The following NDST4 variants were observed in gnomAD, a reference collection of about 807,000 sequenced individuals.
The protein encoded by NDST4 is N-heparan sulfate sulfotransferase 4.
Under a neutral mutation model 100.8 loss-of-function variants are expected in NDST4, and 63 were observed. The observed-to-expected ratio is 0.62, with a 90% CI of 0.51 to 0.77. The LOEUF is 0.77. NDST4 is among the 30% of genes least tolerant of loss of function. The pLI is 0.00. For synonymous variants in NDST4, 377 were observed against 361.8 expected (o/e 1.04, Z -0.48); for missense variants, 943 against 1,018.4 (o/e 0.93, Z 1.01).
chr4:115,010,556 G>A (rs139547564), intron 2 of NDST4, among the ~76,000 whole-genome samples: 12,251 of 128,032 alleles, frequency 0.096, 3,989 homozygotes, highest in African/African-American at 0.34. Context: ...GGAGGGGGTA[G>A]GGATAGCTTT....
intron 2 of NDST4, among the ~76,000 whole-genome samples, chr4:115,051,064 A>G (rs757302055): frequency 7.9e-5 from 12 of 152,078 alleles, no homozygotes; most frequent in South Asian, 2.1e-4. Flanking sequence ...TTATTTATAA[A>G]TTGTAAGATT....
At chr4:115,066,065 T>C (rs1728939050) in intron 2 of NDST4, among the ~76,000 whole-genome samples, 1 of 152,122 alleles carries the variant, frequency 6.6e-6, no homozygotes, top group Non-Finnish European at 1.5e-5. Flanking sequence ...TTGGTCCCCA[T>C]TGTGTACAAT....
chr4:114,916,561 T>A (rs979730286), intron 6 of NDST4, among the ~76,000 whole-genome samples: 2 of 150,686 alleles, frequency 1.3e-5, no homozygotes, highest in African/African-American at 4.9e-5. Flanking sequence ...TGTGTGTGTG[T>A]GTGTGTGTGT....
chr4:114,931,717 A>G (rs1725518555), intron 6 of NDST4, among the ~76,000 whole-genome samples: 1 of 151,904 alleles, frequency 6.6e-6, no homozygotes, highest in African/African-American at 2.4e-5. Flanking sequence ...ACTATGAACA[A>G]TGATAAACCT....
intron 6 of NDST4, among the ~76,000 whole-genome samples, chr4:114,885,481 G>T (rs940747785): frequency 1.3e-5 from 2 of 152,076 alleles, no homozygotes; most frequent in African/African-American, 2.4e-5. Context: ...ATGACAAATT[G>T]TCTCAGAATT....
intron 6 of NDST4, among the ~76,000 whole-genome samples, chr4:114,888,098 G>A (rs1221174744): frequency 6.6e-6 from 1 of 152,074 alleles, no homozygotes; most frequent in Non-Finnish European, 1.5e-5. Context: ...CAGCTACTCA[G>A]GAGGCTGAGG....
intron 10 of NDST4, 26 bp from the exon 11 acceptor site, chr4:114,839,574 G>A (rs73848473): frequency 1.2e-6 from 2 of 1,609,668 alleles, no homozygotes; most frequent in Non-Finnish European, 1.7e-6. Context: ...CAATTGTAAA[G>A]TTAGATTTTT....
chr4:114,959,725 T>A (rs1382509831), intron 4 of NDST4, among the ~76,000 whole-genome samples: 2 of 151,812 alleles, frequency 1.3e-5, no homozygotes, highest in Non-Finnish European at 2.9e-5. Flanking sequence ...GATTATGAGA[T>A]TATGCAACTA....
intron 6 of NDST4, among the ~76,000 whole-genome samples, chr4:114,911,238 T>C (rs1725054973): frequency 6.6e-6 from 1 of 152,210 alleles, no homozygotes; most frequent in African/African-American, 2.4e-5. Context: ...CAACCACTTC[T>C]TTTGCTCAGT....
At chr4:114,870,195 A>G (rs894713991) in intron 7 of NDST4, among the ~76,000 whole-genome samples, 1 of 152,192 alleles carries the variant, frequency 6.6e-6, no homozygotes, top group Non-Finnish European at 1.5e-5. Context: ...TTGAATTATT[A>G]GTAAAGCAAT....
At chr4:114,924,760 A>C (rs904735452) in intron 6 of NDST4, among the ~76,000 whole-genome samples, 6 of 152,238 alleles carry the variant, frequency 3.9e-5, no homozygotes, top group African/African-American at 1.4e-4. Flanking sequence ...AAGAAATAAG[A>C]CCTAGTGCTT....
At chr4:114,876,652 AAAGT>A (rs1270434932) in intron 6 of NDST4, among the ~76,000 whole-genome samples, 5 of 152,176 alleles carry the variant, frequency 3.3e-5, no homozygotes, top group African/African-American at 1.2e-4. Flanking sequence ...TTAGATATCA[AAAGT>A]AAGGAAAGTT....
At chr4:114,912,524 G>A (rs1428685569) in intron 6 of NDST4, among the ~76,000 whole-genome samples, 1 of 152,134 alleles carries the variant, frequency 6.6e-6, no homozygotes, top group East Asian at 1.9e-4. Flanking sequence ...AGTTAAACCC[G>A]AATGCAGGTG....
intron 1 of NDST4, among the ~76,000 whole-genome samples, chr4:115,092,867 C>A (rs960664270): frequency 6.6e-6 from 1 of 151,998 alleles, no homozygotes. Flanking sequence ...TTAGTAATCA[C>A]GTTAAAAGTA....
chr4:115,002,479 T>C (rs1727312526), intron 2 of NDST4, among the ~76,000 whole-genome samples: 2 of 152,342 alleles, frequency 1.3e-5, no homozygotes, highest in Middle Eastern at 3.4e-3. Context: ...TCTTTTGCTG[T>C]GCAGAAGCTC....
intron 6 of NDST4, among the ~76,000 whole-genome samples, chr4:114,929,074 GTCCA>G (rs1295994273): frequency 0.032 from 3,837 of 119,602 alleles, 126 homozygotes; most frequent in East Asian, 0.047. Context: ...CCGTCCGTCC[GTCCA>G]TCCATCCATC....
intron 2 of NDST4, among the ~76,000 whole-genome samples, chr4:114,978,284 TC>T: frequency 6.6e-6 from 1 of 152,126 alleles, no homozygotes; most frequent in South Asian, 2.1e-4. Context: ...AACAATTTTT[TC>T]CATTAGTCAT....
chr4:114,934,368 G>A lies in NDST4; in HGVS notation c.1536+838C>T, dbSNP rs1725579169. 4.0e-5 allele frequency among the ~76,000 whole-genome samples: 6 copies of A among 151,788 alleles called. No individual in the cohort carries two copies. In the South Asian group the frequency reaches 1.2e-3, roughly 32 times the overall value. ...AGATCGAGACCATCCTGGCTAATACGGTTAAACCCTGTCTCTTCTAAAAAT... is the reference window on the plus strand; with the variant it reads ...AGATCGAGACCATCCTGGCTAATACAGTTAAACCCTGTCTCTTCTAAAAAT... On this transcript the variant is annotated intron_variant, in intron 6 of 13. Transcript: ENST00000264363.
At chr4:114,916,534 CTCTGTGTGTGTGTGTG>C (rs1369399933) in intron 6 of NDST4, among the ~76,000 whole-genome samples, 12 of 123,480 alleles carry the variant, frequency 9.7e-5, no homozygotes, top group African/African-American at 3.3e-4. Context: ...TCCTGGTAGG[CTCTGTGTGTGTGTGTG>C]TGTGTGTGTG....
Sources: gnomAD v4.1 joint callset for allele counts (sites outside exome capture counted in the v4.1 genomes callset) on GRCh38, gnomAD v4.1.1 for gene constraint, MANE v1.5 for transcripts, NCBI Gene and HGNC (gene_info 2026-07-23, HGNC 2026-07-21) for gene names.